The following TLN2 variants were observed in gnomAD, a reference collection of about 807,000 sequenced individuals.
TLN2 encodes the protein talin 2.
A neutral mutation model predicts 294.7 loss-of-function variants in TLN2; 118 were observed. The ratio of observed to expected loss-of-function variants is 0.40; its 90% CI spans 0.34 to 0.47. The LOEUF (loss-of-function observed/expected upper bound fraction) is 0.47, where lower values mean the gene tolerates loss of function less well. TLN2 is among the 20% of genes least tolerant of loss of function. The probability of loss-of-function intolerance (pLI) is 0.84; values close to 1 mark genes in which losing one functional copy is unlikely to be tolerated. For missense variants in TLN2, 3,083 were observed against 3,282.2 expected (o/e 0.94, Z 1.48); for synonymous variants, 1,431 against 1,304.5 (o/e 1.10, Z -2.09).
intron 1 of TLN2, among the ~76,000 whole-genome samples, chr15:62,475,471 A>G (rs2037735809): frequency 1.3e-5 from 2 of 152,078 alleles, no homozygotes; most frequent in Non-Finnish European, 2.9e-5. Flanking sequence ...AACTATTTGG[A>G]TGATTATATT....
rs191193328 is a variant in TLN2 at position 62,622,133 on chromosome 15, C to A, written c.-37+3658C>A. On this transcript the variant is annotated intron_variant, in intron 3 of 58. Coordinates refer to ENST00000636159, the MANE Select transcript of TLN2 (RefSeq NM_015059.3). The stretch of plus-strand genomic sequence containing the variant: ...GGAAACATTACCAGTTTGATTTACT[C>A]TTCAGAGTAATCCTATGCTTTGTAG... Among the ~76,000 whole-genome samples the A allele has an allele frequency of 4.6e-5, 7 of 152,162 alleles. 1 individual carries two copies. The highest frequency in any genetic ancestry group is 1.7e-4 in the African/African-American group (7 of 41,522).
chr15:62,796,354 G>A lies in TLN2; in HGVS notation c.6050+61G>A, dbSNP rs2065477082. ...TGGCCTGCCCCTGAAACTCATGATC[G>A]ACTTGGAGACGCCACCTGGGAGCCA... On this transcript the variant is annotated intron_variant, in intron 47 of 58. Coordinates refer to ENST00000636159, the MANE Select transcript of TLN2 (RefSeq NM_015059.3). 13 of 1,533,402 alleles carry A rather than the reference G, an allele frequency of 8.5e-6. 1 individual carries two copies. In the South Asian group the frequency reaches 1.1e-4, roughly 14 times the overall value. 95.0% of individuals were successfully genotyped at this position (1,533,402 alleles called of 1,614,324 possible). A position where few individuals can be genotyped will look rare whatever the true frequency, so the allele number is the denominator to read the frequency against.
chr15:62,805,633 T>C lies in TLN2; in HGVS notation c.6511T>C (p.Ser2171Pro). 1.2e-6 allele frequency: 2 copies of C among 1,613,024 alleles called. No individual in the cohort carries two copies. The highest frequency in any genetic ancestry group is 1.7e-6 in the Non-Finnish European group (2 of 1,179,236). ...GTCAAAAGACGTACCTGAAAAGACA[T>C]CATCACCTGAAGAATCCATAAGGAT... ...FQSKDVPEKTSSPEESIRMTK... is the reference protein window; with the variant it reads ...FQSKDVPEKTPSPEESIRMTK... Residue 2171 changes from serine to proline, a missense_variant, in exon 51 of 59, where the codon TCA becomes CCA. Transcript: ENST00000636159.
At chr15:62,426,797 G>C (rs1333743749) in intron 1 of TLN2, among the ~76,000 whole-genome samples, 1 of 152,142 alleles carries the variant, frequency 6.6e-6, no homozygotes, top group Admixed American at 6.5e-5. Context: ...TGACCACAGT[G>C]GCTGCTCTCC....
At chr15:62,419,907 G>C (rs897279026) in intron 1 of TLN2, among the ~76,000 whole-genome samples, 7 of 152,216 alleles carry the variant, frequency 4.6e-5, no homozygotes, top group Admixed American at 4.6e-4. Context: ...TTACAGGCGT[G>C]AGCCACAGTG....
At position 62,805,556 on chromosome 15, in the gene TLN2, G is replaced by A. The variant is rs184735866; in HGVS notation, c.6478-44G>A. On this transcript the variant is annotated intron_variant, in intron 50 of 58. Transcript: ENST00000636159. ...TGGAGAAGAATAAATTATTTTTTTC[G>A]TTTCCTTTTTGATTTTTTTAACCTC... The A allele has an allele frequency of 1.8e-4, 268 of 1,523,732 alleles. 3 individuals are homozygous for A. In the African/African-American group the frequency reaches 3.1e-3, roughly 17 times the overall value. The allele number at this position is 1,523,732 out of a possible 1,614,324, so 94.4% of individuals were successfully genotyped here.
Position 62,835,905 on chromosome 15 carries a change from G to C in TLN2, c.7206G>C (p.Ala2402=), listed in dbSNP as rs74020685. The C allele has an allele frequency of 5.6e-6, 9 of 1,614,190 alleles. No homozygotes were observed. In the Middle Eastern group the frequency reaches 6.6e-4, roughly 118 times the overall value. The part of the protein sequence containing the change: ...QGLISAARMV[A]AATSSLCEAA... ...ACTGTCCCCAGGCCCGGATGGTGGCGGCTGCGACCAGCAGTCTCTGTGAGG... is the reference window on the plus strand; with the variant it reads ...ACTGTCCCCAGGCCCGGATGGTGGCCGCTGCGACCAGCAGTCTCTGTGAGG... The change falls in exon 57 of 59, where the codon GCG becomes GCC. Residue 2402 remains alanine (A), a synonymous_variant. Transcript: ENST00000636159.
At chr15:62,700,817 T>C (rs982833185) in intron 16 of TLN2, among the ~76,000 whole-genome samples, 2 of 152,192 alleles carry the variant, frequency 1.3e-5, no homozygotes, top group Non-Finnish European at 2.9e-5. Context: ...CACTTGAATT[T>C]TTCTAAATAA....
chr15:62,741,748 C>CGCGCGCGTGTGTGTGTGTGTGTGT, intron 32 of TLN2, among the ~76,000 whole-genome samples: 19,386 of 131,030 alleles, frequency 0.15, 2,125 homozygotes, highest in Middle Eastern at 0.26. Flanking sequence ...AAAATTTGCG[C>CGCGCGCGTGTGTGTGTGTGTGTGT]GTGTGTGTGT....
intron 13 of TLN2, among the ~76,000 whole-genome samples, chr15:62,693,158 C>T (rs570700020): frequency 5.9e-5 from 9 of 152,164 alleles, no homozygotes; most frequent in African/African-American, 1.4e-4. Context: ...GGCAAAACCC[C>T]GTCTCTACTA....
At chr15:62,697,897 C>G (rs768460018) in intron 15 of TLN2, 29 bp downstream of exon 15, 6 of 1,603,880 alleles carry the variant, frequency 3.7e-6, no homozygotes, top group African/African-American at 2.7e-5. Flanking sequence ...GTCCCCCACT[C>G]GTTAGTCTGC....
intron 52 of TLN2, among the ~76,000 whole-genome samples, chr15:62,819,240 T>C (rs188509255): frequency 2.3e-4 from 35 of 152,296 alleles, no homozygotes; most frequent in African/African-American, 7.7e-4. Context: ...AAGGTCCAAA[T>C]AGAAAACAAG....
At chr15:62,771,629 G>A (rs942579617) in intron 42 of TLN2, among the ~76,000 whole-genome samples, 2 of 152,238 alleles carry the variant, frequency 1.3e-5, no homozygotes, top group Non-Finnish European at 1.5e-5. Context: ...CCTGTCATAG[G>A]TGACTTTGCA....
At chr15:62,613,685 C>A (rs535166415) in intron 2 of TLN2, among the ~76,000 whole-genome samples, 1 of 152,130 alleles carries the variant, frequency 6.6e-6, no homozygotes, top group Admixed American at 6.6e-5. Flanking sequence ...TTTGTAATAA[C>A]CTCAAACTAC....
intron 26 of TLN2, among the ~76,000 whole-genome samples, chr15:62,723,181 T>C (rs2060247931): frequency 2.0e-5 from 3 of 152,234 alleles, no homozygotes; most frequent in Admixed American, 2.0e-4. Flanking sequence ...AAGGTAGAAG[T>C]TGACTGAATT....
At position 62,657,820 on chromosome 15, in the gene TLN2, C is replaced by T; in HGVS notation, c.710C>T (p.Ala237Val). The T allele has an allele frequency of 6.2e-7, 1 of 1,613,894 alleles. No homozygotes were observed. The highest frequency in any genetic ancestry group is 8.5e-7 in the Non-Finnish European group (1 of 1,179,918). Residue 237 changes from alanine (A) to valine (V), a missense_variant, in exon 9 of 59, where the codon GCT (alanine) becomes GTT (valine). Transcript: ENST00000636159. ...TCTCACCCTGTCTCCTTCGAGAAAG[C>T]TTGTGAGTTTGGTGGATTTCAAGCC... ...NGSHPVSFEK[A>V]CEFGGFQAQI...
chr15:62,740,149 G>T (rs1006288143), intron 31 of TLN2, among the ~76,000 whole-genome samples: 1 of 151,232 alleles, frequency 6.6e-6, no homozygotes, highest in African/African-American at 2.4e-5. Context: ...GATGGCAACC[G>T]GGTGAGAAAT....
intron 1 of TLN2, among the ~76,000 whole-genome samples, chr15:62,427,116 G>T (rs545261086): frequency 7.3e-4 from 111 of 152,284 alleles, no homozygotes; most frequent in African/African-American, 2.6e-3. Flanking sequence ...ATTGGCCTGG[G>T]TACTTCAGTG....
At chr15:62,414,807 C>A (rs1334807077) in intron 1 of TLN2, among the ~76,000 whole-genome samples, 1 of 141,498 alleles carries the variant, frequency 7.1e-6, no homozygotes. Context: ...ACCCTCGAGT[C>A]TACCTCCAAC....
Sources: allele counts gnomAD v4.1 joint callset (sites outside exome capture counted in the v4.1 genomes callset), GRCh38; gene constraint gnomAD v4.1.1; transcripts MANE v1.5; gene names NCBI Gene and HGNC (gene_info 2026-07-23, HGNC 2026-07-21).